GSE1: variants seen among roughly 807,000 people sequenced by gnomAD.
The protein encoded by GSE1 is Gse1 coiled-coil protein.
GSE1 carries 32 observed loss-of-function variants against 112.6 expected under a neutral mutation model. The observed-to-expected ratio is 0.28, with a 90% confidence interval of 0.21 to 0.38. The LOEUF is 0.38. GSE1 is among the 10% of genes least tolerant of loss of function. The probability of loss-of-function intolerance (pLI) is 1.00; values close to 1 mark genes in which losing one functional copy is unlikely to be tolerated. For synonymous variants in GSE1, 1,115 were observed against 735.6 expected, an observed-to-expected ratio of 1.52 and a Z score of -8.35; for missense variants, 2,348 against 1,699.2, an observed-to-expected ratio of 1.38 and a Z score of -6.71.
intron 12 of GSE1, among the ~76,000 whole-genome samples, chr16:85,665,476 AG>A (rs958084743): frequency 2.0e-5 from 3 of 152,190 alleles, no homozygotes; most frequent in Admixed American, 2.0e-4. Context: ...CTCCAGCCTT[AG>A]TGCCCGCAGC....
chr16:85,668,071 C>T, intron 13 of GSE1, 69 bp from the exon 14 acceptor site: 5 of 1,193,300 alleles, frequency 4.2e-6, no homozygotes, highest in South Asian at 1.5e-5. Context: ...CAGAGCAGAG[C>T]TCCCTTCTGA....
intron 1 of GSE1, among the ~76,000 whole-genome samples, chr16:85,292,107 G>A (rs1235788698): frequency 1.3e-5 from 2 of 151,034 alleles, no homozygotes; most frequent in African/African-American, 4.9e-5. Context: ...TTAATTTGTT[G>A]TAACTGAAGG....
At chr16:85,376,507 G>C (rs1038966429) in intron 2 of GSE1, among the ~76,000 whole-genome samples, 1 of 152,226 alleles carries the variant, frequency 6.6e-6, no homozygotes, top group Non-Finnish European at 1.5e-5. Context: ...GTGGCCGGGT[G>C]GTGTGGGCAG....
chr16:85,359,243 G>C, intron 2 of GSE1: 1 of 371,514 alleles, frequency 2.7e-6, no homozygotes, highest in South Asian at 2.0e-5. Flanking sequence ...GGGTGCCCCT[G>C]TTTGGCGATG....
chr16:85,186,781 A>T (rs142345244), intron 1 of GSE1, among the ~76,000 whole-genome samples: 2 of 152,294 alleles, frequency 1.3e-5, no homozygotes, highest in East Asian at 3.9e-4. Context: ...ACAAAAGACA[A>T]AAAAATCTAA....
At chr16:85,176,612 G>A (rs955203320) in intron 1 of GSE1, among the ~76,000 whole-genome samples, 6 of 152,266 alleles carry the variant, frequency 3.9e-5, no homozygotes, top group African/African-American at 9.6e-5. Flanking sequence ...CGCGCTTCCC[G>A]CTTCCAGGAC....
At chr16:85,653,551 C>T (rs145028064) in intron 3 of GSE1, among the ~76,000 whole-genome samples, 2 of 151,688 alleles carry the variant, frequency 1.3e-5, no homozygotes, top group African/African-American at 2.4e-5. Flanking sequence ...GACCACCTTC[C>T]CAGCTACACC....
At chr16:85,375,360 T>G (rs2047395791) in intron 2 of GSE1, among the ~76,000 whole-genome samples, 1 of 152,032 alleles carries the variant, frequency 6.6e-6, no homozygotes, top group African/African-American at 2.4e-5. Flanking sequence ...GAGTCTCAGA[T>G]GAGCAGGACC....
chr16:85,311,052 G>A lies in GSE1; in HGVS notation c.2284-46411G>A, dbSNP rs752849730. Reference sequence around the variant, plus strand: ...TCCGCGGCCGTCAGCAATGGCCATGGCTCTGTCAAGAAGGATTATCTCGTC... The same window carrying A: ...TCCGCGGCCGTCAGCAATGGCCATGACTCTGTCAAGAAGGATTATCTCGTC... On this transcript the variant is annotated intron_variant, in intron 1 of 2. Coordinates refer to the GSE1 transcript ENST00000637419. This position sits in a 1 kb window ranked among gnomAD's most constrained non-coding sequence, Gnocchi z 4.2. 6.6e-6 allele frequency among the ~76,000 whole-genome samples: 1 copy of A among 152,234 alleles called. No homozygotes were observed.
Position 85,648,684 on chromosome 16 carries a change from C to G in GSE1, c.359C>G (p.Thr120Ser). ...VPPGGHSVPS[T>S]PPVVTIAPTK... ...CCTGGGGGCCACAGCGTGCCCAGCA[C>G]CCCCCCCGTGGTGACCATCGCTCCA... The change falls in exon 3 of 16, where the codon ACC (threonine) becomes AGC (serine). Residue 120 changes from threonine to serine, a missense_variant. Transcript: ENST00000253458. 4 of 1,545,276 alleles carry G rather than the reference C, an allele frequency of 2.6e-6. No individual in the cohort carries two copies. The highest frequency in any genetic ancestry group is 3.5e-6 in the Non-Finnish European group (4 of 1,128,292).
At chr16:85,448,698 T>C (rs897805538) in intron 2 of GSE1, among the ~76,000 whole-genome samples, 1 of 152,140 alleles carries the variant, frequency 6.6e-6, no homozygotes, top group Admixed American at 6.5e-5. Flanking sequence ...GGAGGGGGGC[T>C]CCGGGGGCAC....
chr16:85,663,653 G>A (rs759486149), intron 11 of GSE1, 39 bp downstream of exon 11: 5 of 1,574,406 alleles, frequency 3.2e-6, no homozygotes, highest in Admixed American at 1.9e-5. Flanking sequence ...GGGCTCACTG[G>A]GGTGGAAGTG....
chr16:85,451,160 T>C (rs1004273062), intron 2 of GSE1, among the ~76,000 whole-genome samples: 5 of 151,486 alleles, frequency 3.3e-5, no homozygotes, highest in Non-Finnish European at 7.4e-5. Context: ...AGCGTACCAG[T>C]TGGTGAATTC....
At chr16:85,647,629 C>G (rs2151865271) in intron 2 of GSE1, among the ~76,000 whole-genome samples, 1 of 152,278 alleles carries the variant, frequency 6.6e-6, no homozygotes, top group South Asian at 2.1e-4. Context: ...GCTCTGTCGC[C>G]AGGCTGGAGT....
At chr16:85,583,742 A>T (rs2046557888) in intron 1 of GSE1, among the ~76,000 whole-genome samples, 1 of 152,020 alleles carries the variant, frequency 6.6e-6, no homozygotes, top group African/African-American at 2.4e-5. Flanking sequence ...AAAAAAACAA[A>T]AGAGGAGGCC....
chr16:85,251,426 G>A (rs1312928368), intron 1 of GSE1, among the ~76,000 whole-genome samples: 1 of 152,274 alleles, frequency 6.6e-6, no homozygotes, highest in African/African-American at 2.4e-5. Flanking sequence ...CTCGCCAGCT[G>A]GCTGAGCTGC....
chr16:85,614,396 C>G (rs990043080), intron 1 of GSE1, among the ~76,000 whole-genome samples: 1 of 152,172 alleles, frequency 6.6e-6, no homozygotes, highest in Non-Finnish European at 1.5e-5. Flanking sequence ...CTCACCCTCC[C>G]TGCGCCCGCC....
chr16:85,220,890 C>T (rs934268046), intron 1 of GSE1, among the ~76,000 whole-genome samples: 2 of 151,660 alleles, frequency 1.3e-5, no homozygotes, highest in African/African-American at 4.9e-5. Flanking sequence ...CAAATCGTGC[C>T]CCCCACTGCT....
chr16:85,281,764 G>C (rs1385622397), intron 1 of GSE1, among the ~76,000 whole-genome samples: 2 of 152,138 alleles, frequency 1.3e-5, no homozygotes, highest in East Asian at 3.9e-4. Context: ...GGGGTGGGAG[G>C]ATGGAGAGCA....
Sources: allele counts gnomAD v4.1 joint callset (sites outside exome capture counted in the v4.1 genomes callset), GRCh38; gene constraint gnomAD v4.1.1; non-coding constraint Gnocchi (gnomAD v3.1); transcripts MANE v1.5; gene names NCBI Gene and HGNC (gene_info 2026-07-23, HGNC 2026-07-21).